Variants in RSPH6A observed in about 807,000 individuals in gnomAD.
RSPH6A encodes the protein radial spoke head 6 homolog A.
A neutral mutation model predicts 66.1 loss-of-function variants in RSPH6A; 49 were observed. The observed-to-expected ratio is 0.74, with a 90% CI of 0.59 to 0.94. The LOEUF (loss-of-function observed/expected upper bound fraction) is 0.94. Ranked by LOEUF, RSPH6A falls within the 40% of genes least tolerant of loss-of-function variation. The pLI, the probability that RSPH6A is intolerant of heterozygous loss-of-function variation, is 0.00. For synonymous variants in RSPH6A, 419 were observed against 402.4 expected, an observed-to-expected ratio of 1.04 and a Z score of -0.49; for missense variants, 977 against 948.3, an observed-to-expected ratio of 1.03 and a Z score of -0.40.
In RSPH6A at chr19:45,804,302, C is replaced by T; in HGVS notation, c.1603G>A (p.Val535Ile). The T allele has an allele frequency of 6.2e-7, 1 of 1,614,006 alleles. No homozygotes were observed. The highest frequency in any genetic ancestry group is 1.3e-5 in the African/African-American group (1 of 75,064). Residue 535 changes from valine (V) to isoleucine (I), a missense_variant, in exon 3 of 6, where the codon GTC becomes ATC. Val to Ile is a conservative substitution (Grantham distance 29). Coordinates refer to ENST00000221538, the MANE Select transcript of RSPH6A (RefSeq NM_030785.4). The surrounding 1 kb of genome is among the most constrained non-coding windows in gnomAD (Gnocchi z 5.8). ...TGCACCCAGTTGGCCATGGAGTCGA[C>T]CAGCTCCAGCACGGGGATGCCCTCG... ...DFEGIPVLELVDSMANWVHHT... is the reference protein window; with the variant it reads ...DFEGIPVLELIDSMANWVHHT...
Position 45,804,676 on chromosome 19 carries a change from G to C in RSPH6A, c.1229C>G (p.Pro410Arg), listed in dbSNP as rs186156470. The change falls in exon 3 of 6, where the codon CCG (proline) becomes CGG (arginine). Residue 410 changes from proline to arginine, a missense_variant. Physicochemically the swap from Pro to Arg is moderately radical, Grantham distance 103. Coordinates refer to ENST00000221538, the MANE Select transcript of RSPH6A (RefSeq NM_030785.4). This position sits in a 1 kb window ranked among gnomAD's most constrained non-coding sequence, Gnocchi z 5.8. ...CTCCTCCTTGGGGATCACGGGCGGC[G>C]GCTTCCATACGGACTTAGGGACGAT... is the stretch of plus-strand genomic sequence containing the variant. ...VDIVPKSVWK[P>R]PPVIPKEESR... The C allele has an allele frequency of 3.1e-6, 5 of 1,613,690 alleles. No individual in the cohort carries two copies. Among genetic ancestry groups the C allele is most frequent in the Non-Finnish European group, 4.2e-6 (5 of 1,179,988 alleles).
At chr19:45,800,585 G>T (rs367881880) in intron 4 of RSPH6A, 22 bp from the exon 5 acceptor site, 4 of 1,598,662 alleles carry the variant, frequency 2.5e-6, no homozygotes, top group African/African-American at 2.7e-5. Flanking sequence ...AGGCAGCAGA[G>T]GGGGGCAGCA....
In RSPH6A at chr19:45,813,144, C is replaced by T. The variant is rs550894957; in HGVS notation, c.650+1383G>A. On this transcript the variant is annotated intron_variant, in intron 1 of 5. Transcript: ENST00000221538. ...ATTACTTCATCAACCTCATTTCTCC[C>T]GCTCTCCCTCTTCCTCCCTTGGTTC... 2.1e-4 allele frequency among the ~76,000 whole-genome samples: 32 copies of T among 152,168 alleles called. 1 individual carries two copies. The highest frequency in any genetic ancestry group is 7.0e-4 in the African/African-American group (29 of 41,556).
intron 5 of RSPH6A, among the ~76,000 whole-genome samples, chr19:45,798,700 A>G (rs1219097627): frequency 6.6e-6 from 1 of 151,772 alleles, no homozygotes. Context: ...TTAGCTGGGC[A>G]TGGTGGCGAG....
At chr19:45,799,523 G>A (rs916611670) in intron 5 of RSPH6A, among the ~76,000 whole-genome samples, 3 of 151,942 alleles carry the variant, frequency 2.0e-5, no homozygotes, top group Admixed American at 6.6e-5. Context: ...CCATCATGCC[G>A]GGCTGATTTT....
At chr19:45,799,202 T>G (rs1372601541) in intron 5 of RSPH6A, among the ~76,000 whole-genome samples, 1 of 152,236 alleles carries the variant, frequency 6.6e-6, no homozygotes. Flanking sequence ...AAAATCATCA[T>G]GCCATCTGGT....
rs1970528107 is a variant in RSPH6A at position 45,805,165 on chromosome 19, G to A, written c.889-149C>T. On this transcript the variant is annotated intron_variant, in intron 2 of 5. Coordinates refer to ENST00000221538, the MANE Select transcript of RSPH6A (RefSeq NM_030785.4). Reference sequence around the variant, plus strand: ...TAATCCCAGCACTTTGAAAGGCCGAGGCTGGCTGATCACTTGAGGTCAATA... The same window carrying A: ...TAATCCCAGCACTTTGAAAGGCCGAAGCTGGCTGATCACTTGAGGTCAATA... 9.2e-6 allele frequency: 6 copies of A among 649,890 alleles called. No individual in the cohort carries two copies. In the South Asian group the frequency reaches 1.0e-4, roughly 11 times the overall value. 40.3% of individuals were successfully genotyped at this position (649,890 alleles called of 1,614,324 possible). A position where few individuals can be genotyped will look rare whatever the true frequency, so the allele number is the denominator to read the frequency against.
chr19:45,811,600 G>C (rs929043221), intron 1 of RSPH6A, among the ~76,000 whole-genome samples: 2 of 151,704 alleles, frequency 1.3e-5, no homozygotes, highest in South Asian at 2.1e-4. Context: ...ACCATGTCCC[G>C]CTAATTTTTT....
chr19:45,814,808 G>A lies in RSPH6A; in HGVS notation c.369C>T (p.Leu123=), dbSNP rs1015354460. 1.5e-5 allele frequency: 24 copies of A among 1,613,842 alleles called. No individual in the cohort carries two copies. Among genetic ancestry groups the A allele is most frequent in the Non-Finnish European group, 1.9e-5 (22 of 1,179,886 alleles). ...GGAACAGGCTGCTTTGGCCCTGCTG[G>A]AGCCGCTGCAGCATTAGGCTGGTGG... The part of the protein sequence containing the change: ...ELTTSLMLQR[L]QQGQSSLFQQ... Residue 123 remains leucine, a synonymous_variant, in exon 1 of 6, where the codon CTC becomes CTT. Coordinates refer to ENST00000221538, the MANE Select transcript of RSPH6A (RefSeq NM_030785.4).
chr19:45,804,595 G>A lies in RSPH6A; in HGVS notation c.1310C>T (p.Pro437Leu). 1 of 1,614,176 alleles carries A rather than the reference G, an allele frequency of 6.2e-7. No individual in the cohort carries two copies. The highest frequency in any genetic ancestry group is 8.5e-7 in the Non-Finnish European group (1 of 1,180,034). Residue 437 changes from proline (P) to leucine (L), a missense_variant, in exon 3 of 6, where the codon CCA becomes CTA. Pro to Leu is a moderately conservative substitution (Grantham distance 98, BLOSUM62 -3). Coordinates refer to ENST00000221538, the MANE Select transcript of RSPH6A (RefSeq NM_030785.4). The surrounding 1 kb of genome is among the most constrained non-coding windows in gnomAD (Gnocchi z 5.8). ...AGTGACGTGGGGCAGCCGCGTCCATGGCAGGCCCGGCTCGTTGCACACAAA... is the reference window on the plus strand; with the variant it reads ...AGTGACGTGGGGCAGCCGCGTCCATAGCAGGCCCGGCTCGTTGCACACAAA... ...LYFVCNEPGL[P>L]WTRLPHVTPA...
Position 45,815,228 on chromosome 19 carries a change from C to T in RSPH6A, c.-52G>A. On this transcript the variant is annotated 5_prime_UTR_variant, in exon 1 of 6. Transcript: ENST00000221538. ...GGAGAAAGGCTTGCAGACAAGGAGG[C>T]CAAGCGAGAGCCACCTGTCGACACC... 6.8e-7 allele frequency: 1 copy of T among 1,481,170 alleles called. No homozygotes were observed. The highest frequency in any genetic ancestry group is 8.9e-7 in the Non-Finnish European group (1 of 1,118,862). 91.8% of individuals were successfully genotyped at this position (1,481,170 alleles called of 1,614,324 possible).
intron 4 of RSPH6A, among the ~76,000 whole-genome samples, chr19:45,801,110 T>A (rs1970469231): frequency 6.6e-6 from 1 of 152,122 alleles, no homozygotes; most frequent in Admixed American, 6.5e-5. Context: ...GACCACTCTT[T>A]CTCTATGTGG....
intron 5 of RSPH6A, among the ~76,000 whole-genome samples, chr19:45,798,029 A>G (rs1379446795): frequency 6.6e-6 from 1 of 152,088 alleles, no homozygotes; most frequent in Non-Finnish European, 1.5e-5. Flanking sequence ...AAGGGAGGGG[A>G]CTAAGAGGTA....
intron 5 of RSPH6A, among the ~76,000 whole-genome samples, chr19:45,796,682 T>G (rs1970412084): frequency 6.6e-6 from 1 of 151,912 alleles, no homozygotes; most frequent in Non-Finnish European, 1.5e-5. Context: ...CCAGCTAATT[T>G]TTATATTTTT....
chr19:45,810,836 C>G lies in RSPH6A; in HGVS notation c.655G>C (p.Glu219Gln), dbSNP rs778938225. ...TTGGTCAGCAGATTCACCAGGTGCT[C>G]GTACCTGCCTCCCGCAGGAGGAGTG... Reference protein sequence around the residue: ...TSINCDLSLYEHLVNLLTKIL... With the variant: ...TSINCDLSLYQHLVNLLTKIL... The change falls in exon 2 of 6, where the codon GAG becomes CAG. Residue 219 changes from glutamate (E) to glutamine (Q), a missense_variant. Coordinates refer to ENST00000221538, the MANE Select transcript of RSPH6A (RefSeq NM_030785.4). The G allele has an allele frequency of 3.1e-6, 5 of 1,606,552 alleles. No homozygotes were observed. Among genetic ancestry groups the G allele is most frequent in the Admixed American group, 1.7e-5 (1 of 59,760 alleles).
In RSPH6A at chr19:45,796,100, A is replaced by C. The variant is rs1421454030; in HGVS notation, c.1923T>G (p.Phe641Leu). 6.4e-7 allele frequency: 1 copy of C among 1,560,396 alleles called. No homozygotes were observed. The highest frequency in any genetic ancestry group is 2.3e-5 in the East Asian group (1 of 43,874). Residue 641 changes from phenylalanine (F) to leucine (L), a missense_variant, in exon 6 of 6, where the codon TTT (phenylalanine) becomes TTG (leucine). By Grantham distance (22) the Phe-to-Leu change is conservative. Coordinates refer to ENST00000221538, the MANE Select transcript of RSPH6A (RefSeq NM_030785.4). ...GAYAYASGKK[F>L]ENIYIGWGHK... ...GACCCCAGCCGATGTAGATGTTCTC[A>C]AACTTTCTGGAGAAGCAGTGAGACA...
intron 1 of RSPH6A, among the ~76,000 whole-genome samples, chr19:45,811,828 A>C (rs1970634134): frequency 6.7e-6 from 1 of 150,310 alleles, no homozygotes; most frequent in Admixed American, 6.7e-5. Flanking sequence ...GCTGGAGTGC[A>C]GTGGTGTGAT....
chr19:45,814,116 G>A (rs141482106), intron 1 of RSPH6A, among the ~76,000 whole-genome samples: 50 of 152,194 alleles, frequency 3.3e-4, no homozygotes, highest in Non-Finnish European at 6.3e-4. Context: ...CCAAGACCAC[G>A]CCACTGTGCT....
At position 45,814,845 on chromosome 19, in the gene RSPH6A, A is replaced by G; in HGVS notation, c.332T>C (p.Val111Ala). 2 of 1,614,018 alleles carry G rather than the reference A, an allele frequency of 1.2e-6. No individual in the cohort carries two copies. Among genetic ancestry groups the G allele is most frequent in the Non-Finnish European group, 1.7e-6 (2 of 1,179,972 alleles). Residue 111 changes from valine (V) to alanine (A), a missense_variant, in exon 1 of 6, where the codon GTC becomes GCC. Val to Ala is a moderately conservative substitution (Grantham distance 64, BLOSUM62 0). Transcript: ENST00000221538. ...QPYSDESRMQ[V>A]AELTTSLMLQ... ...CATTAGGCTGGTGGTGAGCTCGGCG[A>G]CCTGCATCCTGCTTTCATCAGAGTA...
Sources: allele counts gnomAD v4.1 joint callset (sites outside exome capture counted in the v4.1 genomes callset), GRCh38; gene constraint gnomAD v4.1.1; non-coding constraint Gnocchi (gnomAD v3.1); transcripts MANE v1.5; gene names NCBI Gene and HGNC (gene_info 2026-07-23, HGNC 2026-07-21).